Variants in ARHGEF10L observed in about 807,000 individuals in gnomAD.
ARHGEF10L encodes Rho guanine nucleotide exchange factor 10 like.
A neutral mutation model predicts 141.2 loss-of-function variants in ARHGEF10L; 69 were observed. That is an observed-to-expected ratio of 0.49 (90% CI 0.40 to 0.60). The LOEUF (loss-of-function observed/expected upper bound fraction) is 0.60, where lower values mean the gene tolerates loss of function less well. Ranked by LOEUF, ARHGEF10L falls within the 20% of genes least tolerant of loss-of-function variation. ARHGEF10L has a pLI of 0.00. For missense variants in ARHGEF10L, 1,482 were observed against 1,734.3 expected (o/e 0.85, Z 2.58); for synonymous variants, 711 against 718.5 (o/e 0.99, Z 0.17).
At chr1:17,517,384 C>T in the ARHGEF10L span, among the ~76,000 whole-genome samples, 83,486 of 151,938 alleles carry the variant, frequency 0.55, 23,584 homozygotes, top group East Asian at 0.75. Flanking sequence ...GGCTGGAGTG[C>T]GCAGTGGTGC....
At chr1:17,554,246 G>A (rs893562347) in intron 1 of ARHGEF10L, among the ~76,000 whole-genome samples, 12 of 152,184 alleles carry the variant, frequency 7.9e-5, no homozygotes, top group Non-Finnish European at 1.3e-4. Flanking sequence ...TGAGGGGCTG[G>A]GCAGGGAGGA....
At position 17,622,638 on chromosome 1, in the gene ARHGEF10L, C is replaced by T. The variant is rs115968780; in HGVS notation, c.1021-358C>T. 2.9e-3 allele frequency among the ~76,000 whole-genome samples: 440 copies of T among 152,204 alleles called. 3 individuals carry two copies. The highest frequency in any genetic ancestry group is 4.8e-3 in the Non-Finnish European group (329 of 68,000). ...TGACAAAGCTAATTGGAGAGTGACG[C>T]GGGGTGTGGGAGCCAAGGGAGCTTG... On this transcript the variant is annotated intron_variant, in intron 11 of 28. Coordinates refer to ENST00000361221, the MANE Select transcript of ARHGEF10L (RefSeq NM_018125.4).
At chr1:17,586,757 A>G (rs1335000843) in intron 2 of ARHGEF10L, among the ~76,000 whole-genome samples, 3 of 152,150 alleles carry the variant, frequency 2.0e-5, no homozygotes, top group African/African-American at 7.2e-5. Flanking sequence ...AGGAGAGGCC[A>G]CACCTCCTGT....
At chr1:17,602,843 G>A (rs1010397867) in intron 5 of ARHGEF10L, among the ~76,000 whole-genome samples, 1 of 151,626 alleles carries the variant, frequency 6.6e-6, no homozygotes, top group Non-Finnish European at 1.5e-5. Context: ...ACTGGGGTGG[G>A]GGCAGTGTAG....
intron 4 of ARHGEF10L, among the ~76,000 whole-genome samples, chr1:17,598,012 G>A (rs1308074999): frequency 1.3e-5 from 2 of 152,172 alleles, no homozygotes; most frequent in African/African-American, 4.8e-5. Flanking sequence ...CTTTGAGCTG[G>A]GTGTTACGCT....
At chr1:17,677,594 A>G (rs957861293) in intron 26 of ARHGEF10L, among the ~76,000 whole-genome samples, 2 of 152,080 alleles carry the variant, frequency 1.3e-5, no homozygotes, top group African/African-American at 4.8e-5. Context: ...ATGGTAGGGG[A>G]GGGAGATCAG....
At chr1:17,533,625 T>C in the ARHGEF10L span, among the ~76,000 whole-genome samples, 1 of 152,138 alleles carries the variant, frequency 6.6e-6, no homozygotes, top group Non-Finnish European at 1.5e-5. Context: ...CTTTAGCTTG[T>C]TTCCCCCCAG....
intron 1 of ARHGEF10L, among the ~76,000 whole-genome samples, chr1:17,571,231 C>A (rs560928298): frequency 2.6e-5 from 4 of 152,154 alleles, no homozygotes; most frequent in Admixed American, 2.6e-4. Context: ...TGGAGCGAGA[C>A]GTGAAAGAAG....
Position 17,603,417 on chromosome 1 carries a change from C to T in ARHGEF10L, c.350-91C>T, listed in dbSNP as rs541432053. 4.3e-4 allele frequency: 424 copies of T among 983,618 alleles called. 5 individuals are homozygous for T. In the African/African-American group the frequency reaches 6.2e-3, roughly 14 times the overall value. The allele number at this position is 983,618 out of a possible 1,614,324, so 60.9% of individuals were successfully genotyped here. ...TCAGAAAGGAGGGTGCTGCGTGCCA[C>T]CAGCTGGTGCAGTCCTGATGTCATC... On this transcript the variant is annotated intron_variant, in intron 5 of 28. Coordinates refer to ENST00000361221, the MANE Select transcript of ARHGEF10L (RefSeq NM_018125.4). The surrounding 1 kb of genome is among the most constrained non-coding windows in gnomAD (Gnocchi z 4.8).
rs11203431 is a variant in ARHGEF10L, at chr1:17,623,967, G to T, written c.1201-420G>T. On this transcript the variant is annotated intron_variant, in intron 12 of 28. Transcript: ENST00000361221. The surrounding 1 kb of genome is among the most constrained non-coding windows in gnomAD (Gnocchi z 4.7). Reference sequence around the variant, plus strand: ...TTGGTAACTCAACTCTGGGCACGCTGCCCGGTGAGAGGCCAGGAGCACTTT... The same window carrying T: ...TTGGTAACTCAACTCTGGGCACGCTTCCCGGTGAGAGGCCAGGAGCACTTT... 0.055 allele frequency among the ~76,000 whole-genome samples: 8,321 copies of T among 152,220 alleles called. 707 individuals are homozygous for T. Among genetic ancestry groups the T allele is most frequent in the African/African-American group, 0.18 (7,640 of 41,478 alleles).
In ARHGEF10L at chr1:17,558,215, G is replaced by A. The variant is rs548869418; in HGVS notation, c.-44+18265G>A. ...CATCCATCCATCCATCCATCCATCC[G>A]CCTGCCCATCCATTCATCCATTTAT... On this transcript the variant is annotated intron_variant, in intron 1 of 28. Transcript: ENST00000361221. The surrounding 1 kb of genome is among the most constrained non-coding windows in gnomAD (Gnocchi z 4.2). 2.7e-5 allele frequency among the ~76,000 whole-genome samples: 4 copies of A among 150,094 alleles called. No individual in the cohort carries two copies. The highest frequency in any genetic ancestry group is 3.9e-4 in the East Asian group (2 of 5,126).
chr1:17,540,043 C>T (rs1346307553), intron 1 of ARHGEF10L, 93 bp downstream of exon 1: 7 of 151,290 alleles, frequency 4.6e-5, no homozygotes, highest in Non-Finnish European at 8.8e-5. Flanking sequence ...GCGCCAGGGT[C>T]CTCCGGGTGT....
intron 4 of ARHGEF10L, among the ~76,000 whole-genome samples, chr1:17,596,825 G>A (rs1389044071): frequency 6.6e-6 from 1 of 152,226 alleles, no homozygotes; most frequent in Non-Finnish European, 1.5e-5. Flanking sequence ...TCCGAGGCAG[G>A]TGGGTCACCT....
At chr1:17,593,304 C>T (rs1028542946) in intron 4 of ARHGEF10L, among the ~76,000 whole-genome samples, 4 of 152,228 alleles carry the variant, frequency 2.6e-5, no homozygotes. Context: ...ATTCTCACAA[C>T]TGTGGGAGGC....
At chr1:17,584,849 G>A (rs2078890040) in intron 2 of ARHGEF10L, among the ~76,000 whole-genome samples, 1 of 149,038 alleles carries the variant, frequency 6.7e-6, no homozygotes, top group Non-Finnish European at 1.5e-5. Context: ...ACATGTGCAC[G>A]TGTGCGTGCA....
intron 27 of ARHGEF10L, chr1:17,694,808 G>T: frequency 2.3e-6 from 1 of 425,810 alleles, no homozygotes; most frequent in East Asian, 6.1e-5. Flanking sequence ...TCCCTGCATG[G>T]ATTGCCCTTG....
chr1:17,670,152 G>A (rs1320178454), intron 26 of ARHGEF10L, among the ~76,000 whole-genome samples: 1 of 152,262 alleles, frequency 6.6e-6, no homozygotes, highest in Non-Finnish European at 1.5e-5. Flanking sequence ...CAAGGGTGGG[G>A]CGCCTGAGCT....
Position 17,620,382 on chromosome 1 carries a change from GT to G in ARHGEF10L, c.942+939del, listed in dbSNP as rs578043200. Among the ~76,000 whole-genome samples the G allele has an allele frequency of 4.8e-3, 731 of 152,352 alleles. 7 individuals carry two copies. Among genetic ancestry groups the G allele is most frequent in the African/African-American group, 0.016 (682 of 41,580 alleles). ...GCTGTGAGGCCACTGAGCAGGATGTGTTGTAGGATGGTGGGTAGAGACCAGG... is the reference window on the plus strand; with the variant it reads ...GCTGTGAGGCCACTGAGCAGGATGTGTGTAGGATGGTGGGTAGAGACCAGG... On this transcript the variant is annotated intron_variant, in intron 10 of 28. Coordinates refer to ENST00000361221, the MANE Select transcript of ARHGEF10L (RefSeq NM_018125.4).
rs938087355 is a variant in ARHGEF10L, at chr1:17,623,412, T to C, written c.1200+237T>C. 2.6e-5 allele frequency among the ~76,000 whole-genome samples: 4 copies of C among 152,178 alleles called. No individual in the cohort carries two copies. The highest frequency in any genetic ancestry group is 7.2e-5 in the African/African-American group (3 of 41,438). On this transcript the variant is annotated intron_variant, in intron 12 of 28. Transcript: ENST00000361221. The surrounding 1 kb of genome is among the most constrained non-coding windows in gnomAD (Gnocchi z 4.7). ...TGGTGCTGATGAAGCCAGGTGGCTG[T>C]CCTGGCTCCTCCCAGGTGGCAGCAC...
Sources: gnomAD v4.1 joint callset for allele counts (sites outside exome capture counted in the v4.1 genomes callset) on GRCh38, gnomAD v4.1.1 for gene constraint, Gnocchi (gnomAD v3.1) non-coding constraint, MANE v1.5 for transcripts, NCBI Gene and HGNC (gene_info 2026-07-23, HGNC 2026-07-21) for gene names.